PYGL: variants seen among roughly 807,000 people sequenced by gnomAD.
PYGL encodes glycogen phosphorylase, liver form.
Under a neutral mutation model 100.1 loss-of-function variants are expected in PYGL, and 90 were observed. The observed-to-expected ratio is 0.90, with a 90% CI of 0.76 to 1.07. PYGL has a LOEUF of 1.07. PYGL is among the 50% of genes least tolerant of loss of function. The pLI is 0.00. For missense variants in PYGL, 1,016 were observed against 1,057.6 expected (o/e 0.96, Z 0.55); for synonymous variants, 373 against 393.0 (o/e 0.95, Z 0.60).
Position 50,915,175 on chromosome 14 carries a change from TTTC to T in PYGL, c.1403+158_1403+160del. ...AAAGCATTCTTTTCTTTCCTTTTCTTTTCTTTTTTTTTTTTAGGCAAGAGTTTT... is the reference window on the plus strand; with the variant it reads ...AAAGCATTCTTTTCTTTCCTTTTCTTTTTTTTTTTTTTAGGCAAGAGTTTT... On this transcript the variant is annotated intron_variant, in intron 11 of 19. Transcript: ENST00000216392. 4.1e-6 allele frequency: 4 copies of T among 964,340 alleles called. No homozygotes were observed. The South Asian group carries it at 4.7e-5, about 11-fold the overall frequency. 59.7% of individuals were successfully genotyped at this position (964,340 alleles called of 1,614,324 possible).
chr14:50,915,317 C>T lies in PYGL; in HGVS notation c.1403+19G>A. 1 of 1,613,640 alleles carries T rather than the reference C, an allele frequency of 6.2e-7. No homozygotes were observed. Among genetic ancestry groups the T allele is most frequent in the Non-Finnish European group, 8.5e-7 (1 of 1,179,584 alleles). On this transcript the variant is annotated intron_variant, in intron 11 of 19. Coordinates refer to ENST00000216392, the MANE Select transcript of PYGL (RefSeq NM_002863.5). ...AATGGATCAGTGTCAGACCCACTGCCAGAGTAATGGAGGCTCACACTTTAG... is the reference window on the plus strand; with the variant it reads ...AATGGATCAGTGTCAGACCCACTGCTAGAGTAATGGAGGCTCACACTTTAG...
Position 50,915,802 on chromosome 14 carries a change from G to C in PYGL, c.1239+23C>G, listed in dbSNP as rs1566503224. 5 of 1,609,860 alleles carry C rather than the reference G, an allele frequency of 3.1e-6. No homozygotes were observed. The South Asian group carries it at 4.4e-5, about 14-fold the overall frequency. ...TTAAGATCTTATGCTCATGAACAGA[G>C]AAAATCTCTCAAAATGACTTACATC... On this transcript the variant is annotated intron_variant, in intron 10 of 19. Transcript: ENST00000216392.
At chr14:50,924,357 G>A (rs889666889) in intron 4 of PYGL, among the ~76,000 whole-genome samples, 6 of 152,020 alleles carry the variant, frequency 3.9e-5, no homozygotes, top group South Asian at 2.1e-4. Context: ...AATAGTAAAC[G>A]GTAGAGATAA....
chr14:50,909,531 T>C (rs950687078), intron 17 of PYGL, among the ~76,000 whole-genome samples: 3 of 152,228 alleles, frequency 2.0e-5, no homozygotes, highest in Admixed American at 2.0e-4. Flanking sequence ...TTCTTTGATA[T>C]CTTAAAGGAG....
intron 18 of PYGL, 29 bp from the exon 19 acceptor site, chr14:50,908,366 A>C: frequency 6.6e-7 from 1 of 1,524,552 alleles, no homozygotes; most frequent in Non-Finnish European, 9.1e-7. Context: ...AAGAGGAAAA[A>C]AACAGTCAAA....
chr14:50,929,239 C>CG (rs2050581863), intron 4 of PYGL, among the ~76,000 whole-genome samples: 4 of 151,788 alleles, frequency 2.6e-5, no homozygotes, highest in Admixed American at 1.3e-4. Context: ...TTAGTAGAGA[C>CG]TGGGGGTTTC....
chr14:50,905,342 A>C lies in PYGL; in HGVS notation c.*50T>G, dbSNP rs2050320002. 3.2e-6 allele frequency: 5 copies of C among 1,550,456 alleles called. No individual in the cohort carries two copies. Among genetic ancestry groups the C allele is most frequent in the Non-Finnish European group, 4.4e-6 (5 of 1,123,766 alleles). On this transcript the variant is annotated 3_prime_UTR_variant, in exon 20 of 20. Coordinates refer to ENST00000216392, the MANE Select transcript of PYGL (RefSeq NM_002863.5). ...AACAAAAACCAGTGAATGTTGTAAA[A>C]ATGTTCAAGTTCAGTAAGAAGCTAT... is the stretch of plus-strand genomic sequence containing the variant.
At position 50,921,052 on chromosome 14, in the gene PYGL, G is replaced by T. The variant is rs771295143; in HGVS notation, c.676C>A (p.Pro226Thr). The change falls in exon 6 of 20, where the codon CCA becomes ACA. Residue 226 changes from proline to threonine, a missense_variant. Pro to Thr is a conservative substitution (Grantham distance 38, BLOSUM62 -1). Coordinates refer to ENST00000216392, the MANE Select transcript of PYGL (RefSeq NM_002863.5). ...WIDTQVVLAL[P>T]YDTPVPGYMN... Reference sequence around the variant, plus strand: ...TAGCCGGGCACGGGGGTGTCATATGGCAGAGCCAGGACCACCTGTGGGATT... The same window carrying T: ...TAGCCGGGCACGGGGGTGTCATATGTCAGAGCCAGGACCACCTGTGGGATT... The T allele has an allele frequency of 1.2e-6, 2 of 1,613,610 alleles. No homozygotes were observed. Among genetic ancestry groups the T allele is most frequent in the African/African-American group, 1.3e-5 (1 of 74,930 alleles).
chr14:50,939,980 C>T (rs537676338), intron 1 of PYGL, among the ~76,000 whole-genome samples: 12 of 152,320 alleles, frequency 7.9e-5, no homozygotes, highest in African/African-American at 2.4e-4. Flanking sequence ...CATGACCTAA[C>T]GGGCCACCTA....
intron 7 of PYGL, 143 bp from the exon 8 acceptor site, chr14:50,917,248 A>G (rs1371812769): frequency 1.9e-5 from 17 of 914,044 alleles, no homozygotes; most frequent in Non-Finnish European, 3.0e-5. Flanking sequence ...CCAAACTGTG[A>G]GCCTTTGCTC....
chr14:50,914,760 T>A lies in PYGL; in HGVS notation c.1459A>T (p.Ile487Phe), dbSNP rs2050429691. Residue 487 changes from isoleucine to phenylalanine, a missense_variant, in exon 12 of 20, where the codon ATC becomes TTC. Ile to Phe is a conservative substitution (Grantham distance 21). Transcript: ENST00000216392. The part of the protein sequence containing the change: ...PDKFQNKTNG[I>F]TPRRWLLLCN... ...AGTAGGAGCCAGCGCCTTGGAGTGA[T>A]CCCATTGGTTTTATTCTGAAACTTG... The A allele has an allele frequency of 9.3e-6, 15 of 1,614,086 alleles. No individual in the cohort carries two copies. Among genetic ancestry groups the A allele is most frequent in the Non-Finnish European group, 1.3e-5 (15 of 1,179,972 alleles).
At chr14:50,937,599 A>G (rs2050664847) in intron 2 of PYGL, 137 bp downstream of exon 2, 1 of 790,302 alleles carries the variant, frequency 1.3e-6, no homozygotes, top group African/African-American at 1.7e-5. Context: ...TATTTCTAAA[A>G]GTTTGTAATA....
chr14:50,931,809 G>A (rs371323501), intron 3 of PYGL, 33 bp from the exon 4 acceptor site: 1 of 1,593,370 alleles, frequency 6.3e-7, no homozygotes, highest in Non-Finnish European at 8.6e-7. Flanking sequence ...AAAAGATAGA[G>A]TCATTAAGCT....
chr14:50,931,643 T>C (rs760054178), intron 4 of PYGL, 30 bp downstream of exon 4: 1 of 1,566,688 alleles, frequency 6.4e-7, no homozygotes, highest in Admixed American at 1.7e-5. Context: ...AGTACCTTAA[T>C]GACAAAATTT....
intron 2 of PYGL, among the ~76,000 whole-genome samples, chr14:50,937,038 G>A (rs1205627624): frequency 6.6e-6 from 1 of 152,088 alleles, no homozygotes; most frequent in African/African-American, 2.4e-5. Context: ...GACACATGAG[G>A]GGACAATCCC....
At chr14:50,920,893 C>A in intron 6 of PYGL, 63 bp downstream of exon 6, 1 of 1,485,102 alleles carries the variant, frequency 6.7e-7, no homozygotes, top group Non-Finnish European at 9.4e-7. Context: ...CAATTTGGTT[C>A]TAACTACCAA....
chr14:50,911,677 G>T, intron 16 of PYGL, 53 bp downstream of exon 16: 1 of 1,604,094 alleles, frequency 6.2e-7, no homozygotes, highest in Admixed American at 1.7e-5. Flanking sequence ...TTCATACCAT[G>T]TAATCTCTAG....
At chr14:50,936,507 G>A (rs570682495) in intron 2 of PYGL, among the ~76,000 whole-genome samples, 4 of 152,308 alleles carry the variant, frequency 2.6e-5, no homozygotes, top group South Asian at 2.1e-4. Context: ...TTCTAAAAAC[G>A]TAAGTCTAAA....
At chr14:50,908,006 A>T in intron 19 of PYGL, 1 of 364,936 alleles carries the variant, frequency 2.7e-6, no homozygotes, top group Non-Finnish European at 4.8e-6. Context: ...TGAGTGACAG[A>T]GCGAGATCTG....
Sources: allele counts gnomAD v4.1 joint callset (sites outside exome capture counted in the v4.1 genomes callset), GRCh38; gene constraint gnomAD v4.1.1; transcripts MANE v1.5; gene names NCBI Gene and HGNC (gene_info 2026-07-23, HGNC 2026-07-21).